Variants in GNA11 observed in about 807,000 individuals in gnomAD.
GNA11 encodes the protein G protein subunit alpha 11, also known as guanine nucleotide-binding protein subunit alpha-11.
A neutral mutation model predicts 38.2 loss-of-function variants in GNA11; 8 were observed. That is an observed-to-expected ratio of 0.21 (90% CI 0.12 to 0.38). The LOEUF is 0.38. GNA11 is among the 10% of genes least tolerant of loss of function. GNA11 has a pLI of 1.00. For missense variants in GNA11, 268 were observed against 516.3 expected, an observed-to-expected ratio of 0.52 and a Z score of 4.66; for synonymous variants, 211 against 221.4, an observed-to-expected ratio of 0.95 and a Z score of 0.42.
intron 1 of GNA11, among the ~76,000 whole-genome samples, chr19:3,100,452 G>C (rs1364546429): frequency 6.6e-6 from 1 of 152,216 alleles, no homozygotes; most frequent in African/African-American, 2.4e-5. Flanking sequence ...AGCTGTGCAG[G>C]TCTCAGAGAT....
chr19:3,111,402 A>G (rs1308397356), intron 2 of GNA11, among the ~76,000 whole-genome samples: 1 of 152,100 alleles, frequency 6.6e-6, no homozygotes, highest in Non-Finnish European at 1.5e-5. Flanking sequence ...ATTTCATAGA[A>G]ATGGGATTGC....
In GNA11 at chr19:3,100,809, G is replaced by A. The variant is rs574920825; in HGVS notation, c.136+6022G>A. Among the ~76,000 whole-genome samples, 805 of 152,316 alleles carry A rather than the reference G, an allele frequency of 5.3e-3. 9 individuals carry two copies. Among genetic ancestry groups the A allele is most frequent in the Non-Finnish European group, 7.1e-3 (482 of 68,026 alleles). On this transcript the variant is annotated intron_variant, in intron 1 of 6. Transcript: ENST00000078429. ...GTTTCCCCATCGGTCACGTGGGAAG[G>A]CTGTCCCTCCCCCTGTAGGATTGTG...
chr19:3,109,762 A>T (rs1341395801), intron 1 of GNA11, among the ~76,000 whole-genome samples: 1 of 152,166 alleles, frequency 6.6e-6, no homozygotes, highest in Admixed American at 6.5e-5. Context: ...CCCTCTGGTG[A>T]GCATTGGTCA....
intron 1 of GNA11, among the ~76,000 whole-genome samples, chr19:3,102,260 A>G (rs904174496): frequency 6.6e-6 from 1 of 152,156 alleles, no homozygotes; most frequent in African/African-American, 2.4e-5. Flanking sequence ...ATGGCCCCTG[A>G]CCGGCGAGGG....
intron 1 of GNA11, among the ~76,000 whole-genome samples, chr19:3,097,647 T>A (rs1913405556): frequency 6.6e-6 from 1 of 152,230 alleles, no homozygotes; most frequent in Non-Finnish European, 1.5e-5. Flanking sequence ...GCGAGGACAT[T>A]CCGTGCCCCG....
intron 1 of GNA11, among the ~76,000 whole-genome samples, chr19:3,101,743 C>A (rs1228322080): frequency 6.6e-6 from 1 of 152,110 alleles, no homozygotes; most frequent in Non-Finnish European, 1.5e-5. Flanking sequence ...CCCAGGCTGT[C>A]GGGGGGCTTC....
At chr19:3,096,877 A>G (rs1005925390) in intron 1 of GNA11, among the ~76,000 whole-genome samples, 1 of 152,180 alleles carries the variant, frequency 6.6e-6, no homozygotes, top group African/African-American at 2.4e-5. Flanking sequence ...CGGGGCTGTC[A>G]GGGGGTTGGG....
chr19:3,114,895 G>C, intron 3 of GNA11, 49 bp from the exon 4 acceptor site: 1 of 1,552,308 alleles, frequency 6.4e-7, no homozygotes, highest in South Asian at 1.2e-5. Flanking sequence ...TCCCTGTCCT[G>C]CCCCCCCACC....
chr19:3,106,327 G>A (rs886757614), intron 1 of GNA11, among the ~76,000 whole-genome samples: 3 of 152,214 alleles, frequency 2.0e-5, no homozygotes, highest in African/African-American at 4.8e-5. Context: ...GACGGGAGGC[G>A]GCAGCAGCTG....
intron 4 of GNA11, chr19:3,117,301 C>G (rs1913947955): frequency 6.6e-6 from 1 of 152,420 alleles, no homozygotes; most frequent in South Asian, 2.1e-4. Flanking sequence ...CAGAAATGTC[C>G]TGTCCCCTCC....
intron 1 of GNA11, among the ~76,000 whole-genome samples, chr19:3,107,936 ACTC>A (rs1913677103): frequency 6.6e-6 from 1 of 151,698 alleles, no homozygotes; most frequent in South Asian, 2.1e-4. Context: ...ACTCACCCTC[ACTC>A]CTCCTGTCCT....
rs989945812 is a variant in GNA11, at chr19:3,120,637, T to G, written c.890-352T>G. On this transcript the variant is annotated intron_variant, in intron 6 of 6. Transcript: ENST00000078429. The surrounding 1 kb of genome is among the most constrained non-coding windows in gnomAD (Gnocchi z 5.9). ...GCCCTGGGGGCCTCTCCTCTCACCCTGGGCCTTCGCAGGGCAGCCATGCCA... is the reference window on the plus strand; with the variant it reads ...GCCCTGGGGGCCTCTCCTCTCACCCGGGGCCTTCGCAGGGCAGCCATGCCA... Among the ~76,000 whole-genome samples the G allele has an allele frequency of 5.9e-5, 9 of 152,284 alleles. No individual in the cohort carries two copies. Among genetic ancestry groups the G allele is most frequent in the Middle Eastern group, 3.4e-3 (1 of 294 alleles).
chr19:3,121,368 C>T lies in GNA11; in HGVS notation c.*189C>T, dbSNP rs371963705. On this transcript the variant is annotated 3_prime_UTR_variant, in exon 7 of 7. Coordinates refer to ENST00000078429, the MANE Select transcript of GNA11 (RefSeq NM_002067.5). ...AGTTATCAGGGGATGTACATCTCTC[C>T]CTCCGTACACTTCGCGCACCTTCTC... 2,000 of 501,640 alleles carry T rather than the reference C, an allele frequency of 4.0e-3. 71 individuals are homozygous for T. In the South Asian group the frequency reaches 0.06, roughly 15 times the overall value. 31.1% of individuals were successfully genotyped at this position (501,640 alleles called of 1,614,324 possible). A position where few individuals can be genotyped will look rare whatever the true frequency, so the allele number is the denominator to read the frequency against.
intron 3 of GNA11, among the ~76,000 whole-genome samples, 184 bp downstream of exon 3, chr19:3,113,668 C>G (rs1378484060): frequency 2.0e-5 from 3 of 152,210 alleles, no homozygotes; most frequent in African/African-American, 7.2e-5. Flanking sequence ...AGGGGCCACG[C>G]CTTGGCAGGA....
rs375265276 is a variant in GNA11, at chr19:3,119,385, G to C, written c.889+26G>C. 1.2e-6 allele frequency: 2 copies of C among 1,609,272 alleles called. No individual in the cohort carries two copies. The highest frequency in any genetic ancestry group is 1.7e-5 in the Admixed American group (1 of 59,850). On this transcript the variant is annotated intron_variant, in intron 6 of 6. Coordinates refer to ENST00000078429, the MANE Select transcript of GNA11 (RefSeq NM_002067.5). The surrounding 1 kb of genome is among the most constrained non-coding windows in gnomAD (Gnocchi z 4.6). The stretch of plus-strand genomic sequence containing the variant: ...GTGCGCCGGGCTGCGGCATGGGGAG[G>C]GGCTCGCGGGCAGGGCCTTACTGGG...
intron 3 of GNA11, among the ~76,000 whole-genome samples, chr19:3,114,581 G>C (rs1035985259): frequency 2.6e-4 from 40 of 152,176 alleles, no homozygotes; most frequent in African/African-American, 9.6e-4. Flanking sequence ...GGCCAGCCAG[G>C]CCTCTCTCGG....
intron 1 of GNA11, among the ~76,000 whole-genome samples, chr19:3,097,613 C>T (rs1000812120): frequency 2.6e-5 from 4 of 152,240 alleles, no homozygotes; most frequent in South Asian, 2.1e-4. Context: ...GGGCTGCACA[C>T]GGCCTGTGAG....
chr19:3,111,377 C>T (rs544709589), intron 2 of GNA11, among the ~76,000 whole-genome samples: 13 of 152,238 alleles, frequency 8.5e-5, no homozygotes, highest in South Asian at 4.1e-4. Flanking sequence ...CTCTGTGGAT[C>T]GGTCTGTCCT....
rs1168408194 is a variant in GNA11 at position 3,122,486 on chromosome 19, G to A, written c.*1307G>A. ...GCACTGAGCCACAGCCCCGGGGGCC[G>A]CCTCCCGGGGCCCCTTGAGGCACTG... On this transcript the variant is annotated 3_prime_UTR_variant, in exon 7 of 7. Transcript: ENST00000078429. The surrounding 1 kb of genome is among the most constrained non-coding windows in gnomAD (Gnocchi z 7.7). 3.0e-5 allele frequency: 7 copies of A among 231,662 alleles called. No individual in the cohort carries two copies. Among genetic ancestry groups the A allele is most frequent in the Non-Finnish European group, 1.7e-5 (2 of 117,072 alleles). The allele number at this position is 231,662 out of a possible 1,614,324, so 14.4% of individuals were successfully genotyped here. A position where few individuals can be genotyped will look rare whatever the true frequency, so the allele number is the denominator to read the frequency against.
Sources: allele counts gnomAD v4.1 joint callset (sites outside exome capture counted in the v4.1 genomes callset), GRCh38; gene constraint gnomAD v4.1.1; non-coding constraint Gnocchi (gnomAD v3.1); transcripts MANE v1.5; gene names NCBI Gene and HGNC (gene_info 2026-07-23, HGNC 2026-07-21).